KCNQ5: variants seen among roughly 807,000 people sequenced by gnomAD.
KCNQ5 encodes the protein potassium voltage-gated channel subfamily KQT member 5.
In KCNQ5, 30 loss-of-function variants were observed where a neutral mutation model predicts 98.2. That is an observed-to-expected ratio of 0.31 (90% CI 0.23 to 0.41). The LOEUF (loss-of-function observed/expected upper bound fraction) is 0.41, where lower values mean the gene tolerates loss of function less well. Among genes scored for constraint, KCNQ5 ranks in the 10% least tolerant of loss-of-function variants. KCNQ5 has a pLI of 1.00. For synonymous variants in KCNQ5, 458 were observed against 449.4 expected (o/e 1.02, Z -0.24); for missense variants, 835 against 1,182.5 (o/e 0.71, Z 4.31).
intron 1 of KCNQ5, among the ~76,000 whole-genome samples, chr6:72,944,943 C>T (rs1371278839): frequency 6.6e-6 from 1 of 152,206 alleles, no homozygotes; most frequent in Non-Finnish European, 1.5e-5. Context: ...GATGCTGAGG[C>T]TTTCAAATTC....
chr6:73,163,432 A>G (rs1777686011), intron 10 of KCNQ5, among the ~76,000 whole-genome samples: 1 of 152,114 alleles, frequency 6.6e-6, no homozygotes, highest in African/African-American at 2.4e-5. Context: ...TACATCTGGT[A>G]GTAAAATGAG....
chr6:72,791,141 A>G (rs968082596), intron 1 of KCNQ5, among the ~76,000 whole-genome samples: 2 of 152,220 alleles, frequency 1.3e-5, no homozygotes, highest in Non-Finnish European at 2.9e-5. Context: ...GAGAAGCAGC[A>G]TTTGAGGTAA....
At chr6:73,167,315 C>T (rs1410434584) in intron 10 of KCNQ5, among the ~76,000 whole-genome samples, 8 of 152,190 alleles carry the variant, frequency 5.3e-5, no homozygotes, top group African/African-American at 1.9e-4. Flanking sequence ...GCAACACACA[C>T]GTGTAGTGAG....
chr6:73,074,589 T>C (rs1003629257), intron 3 of KCNQ5, among the ~76,000 whole-genome samples: 1 of 152,242 alleles, frequency 6.6e-6, no homozygotes, highest in African/African-American at 2.4e-5. Flanking sequence ...GAACTAACTT[T>C]ATAGCATACT....
chr6:72,824,785 C>CTGTGTG (rs35336711), intron 1 of KCNQ5, among the ~76,000 whole-genome samples: 1 of 150,734 alleles, frequency 6.6e-6, no homozygotes, highest in Non-Finnish European at 1.5e-5. Context: ...TTCTCTGTCT[C>CTGTGTG]TGTGTGTGTG....
chr6:72,849,139 CACACAT>C (rs763110030), intron 1 of KCNQ5, among the ~76,000 whole-genome samples: 1 of 144,692 alleles, frequency 6.9e-6, no homozygotes, highest in African/African-American at 2.7e-5. Flanking sequence ...CACACACACA[CACACAT>C]ATGCACACGC....
chr6:72,723,252 T>C (rs1770069894), intron 1 of KCNQ5, among the ~76,000 whole-genome samples: 1 of 152,210 alleles, frequency 6.6e-6, no homozygotes, highest in South Asian at 2.1e-4. Context: ...ATGGAAATAA[T>C]AATGGTACTT....
chr6:73,183,573 G>A (rs554091334), intron 11 of KCNQ5, among the ~76,000 whole-genome samples: 2 of 152,256 alleles, frequency 1.3e-5, no homozygotes, highest in South Asian at 2.1e-4. Flanking sequence ...GCAGTTCCAG[G>A]CATTCCAATG....
intron 1 of KCNQ5, among the ~76,000 whole-genome samples, chr6:72,702,664 G>A (rs1010629850): frequency 1.3e-5 from 2 of 152,108 alleles, no homozygotes; most frequent in African/African-American, 4.8e-5. Flanking sequence ...TTCAGCATGT[G>A]ACCCATTCAC....
chr6:72,985,956 T>C (rs1297300099), intron 1 of KCNQ5, among the ~76,000 whole-genome samples: 1 of 151,986 alleles, frequency 6.6e-6, no homozygotes. Flanking sequence ...GGAGGCTAGG[T>C]ATGGTGGCTC....
At chr6:72,987,160 T>G in intron 1 of KCNQ5, 5 of 576,930 alleles carry the variant, frequency 8.7e-6, no homozygotes, top group South Asian at 2.2e-5. Context: ...AAGAAAAAGA[T>G]GAAGTCCAAG....
chr6:72,967,467 T>G (rs967417461), intron 1 of KCNQ5, among the ~76,000 whole-genome samples: 4 of 152,198 alleles, frequency 2.6e-5, no homozygotes, highest in African/African-American at 9.7e-5. Flanking sequence ...TAGTTATCTT[T>G]CAATATATTT....
intron 5 of KCNQ5, among the ~76,000 whole-genome samples, chr6:73,086,188 A>G (rs1773982367): frequency 6.6e-6 from 1 of 152,124 alleles, no homozygotes; most frequent in South Asian, 2.1e-4. Context: ...CAGACCTCTT[A>G]TTAACCTGTC....
chr6:73,116,492 C>T (rs879773379), intron 7 of KCNQ5, among the ~76,000 whole-genome samples: 4 of 151,998 alleles, frequency 2.6e-5, no homozygotes, highest in African/African-American at 4.8e-5. Flanking sequence ...ATAGCGAGAC[C>T]CCACCTCTAC....
intron 1 of KCNQ5, among the ~76,000 whole-genome samples, chr6:72,782,520 G>A (rs1773539041): frequency 6.6e-6 from 1 of 152,182 alleles, no homozygotes; most frequent in Non-Finnish European, 1.5e-5. Flanking sequence ...TTCCTGAAAA[G>A]TGTTTGTGGT....
Position 72,850,365 on chromosome 6 carries a change from G to A in KCNQ5, c.399-153543G>A, listed in dbSNP as rs537357750. 3.3e-5 allele frequency among the ~76,000 whole-genome samples: 5 copies of A among 152,210 alleles called. 1 individual carries two copies. Among genetic ancestry groups the A allele is most frequent in the Admixed American group, 2.0e-4 (3 of 15,272 alleles). On this transcript the variant is annotated intron_variant, in intron 1 of 13. Transcript: ENST00000370398. ...ATTCATTTCAGAGTTGCTCAAAGTCGGCTTTCTATGTAAAAGAGAGGCAGA... is the reference window on the plus strand; with the variant it reads ...ATTCATTTCAGAGTTGCTCAAAGTCAGCTTTCTATGTAAAAGAGAGGCAGA...
chr6:73,152,620 C>T (rs1034073424), intron 10 of KCNQ5, among the ~76,000 whole-genome samples: 3 of 152,098 alleles, frequency 2.0e-5, no homozygotes, highest in Non-Finnish European at 4.4e-5. Context: ...CATTTTTGTA[C>T]TGGAAGATTT....
chr6:73,177,965 A>G (rs1778275954), intron 11 of KCNQ5, among the ~76,000 whole-genome samples: 1 of 152,218 alleles, frequency 6.6e-6, no homozygotes. Flanking sequence ...GTGAGATATT[A>G]AACCTTTTCT....
intron 2 of KCNQ5, among the ~76,000 whole-genome samples, chr6:73,035,985 TTGTGTGTGTGTGTGTGTGTGTGTG>T: frequency 7.1e-6 from 1 of 140,536 alleles, no homozygotes; most frequent in Middle Eastern, 3.7e-3. Flanking sequence ...TTGAATACAT[TTGTGTGTGTGTGTGTGTGTGTGTG>T]TGTGTGTGTG....
Sources: gnomAD v4.1 joint callset for allele counts (sites outside exome capture counted in the v4.1 genomes callset) on GRCh38, gnomAD v4.1.1 for gene constraint, MANE v1.5 for transcripts, NCBI Gene and HGNC (gene_info 2026-07-23, HGNC 2026-07-21) for gene names.